ZNF385D: variants seen among roughly 807,000 people sequenced by gnomAD.
ZNF385D encodes zinc finger protein 659.
A neutral mutation model predicts 35.8 loss-of-function variants in ZNF385D; 15 were observed. The observed-to-expected ratio is 0.42, with a 90% CI of 0.28 to 0.64. The LOEUF (loss-of-function observed/expected upper bound fraction) is 0.64, where lower values mean the gene tolerates loss of function less well. ZNF385D is among the 30% of genes least tolerant of loss of function. The pLI, the probability that ZNF385D is intolerant of heterozygous loss-of-function variation, is 0.23. For missense variants in ZNF385D, 474 were observed against 494.6 expected (o/e 0.96, Z 0.39); for synonymous variants, 212 against 186.8 (o/e 1.13, Z -1.10).
In ZNF385D at chr3:22,065,510, G is replaced by A. The variant is rs1699895998; in HGVS notation, c.325+103307C>T. On this transcript the variant is annotated intron_variant, in intron 3 of 5. Transcript: ENST00000494108. The stretch of plus-strand genomic sequence containing the variant: ...CACTTTCATGTTAGAGTGGGGCAGA[G>A]TTGCCAGGTGAGTGTACAATAGCAT... Among the ~76,000 whole-genome samples the A allele has an allele frequency of 3.9e-5, 6 of 152,182 alleles. 1 individual carries two copies. Among genetic ancestry groups the A allele is most frequent in the Admixed American group, 3.9e-4 (6 of 15,270 alleles).
At chr3:21,941,870 T>C (rs1701541299) in intron 3 of ZNF385D, among the ~76,000 whole-genome samples, 1 of 152,160 alleles carries the variant, frequency 6.6e-6, no homozygotes, top group Non-Finnish European at 1.5e-5. Context: ...AGCTCTATGA[T>C]GAAAAATAAA....
At chr3:22,157,338 A>C (rs959408555) in intron 3 of ZNF385D, among the ~76,000 whole-genome samples, 3 of 152,074 alleles carry the variant, frequency 2.0e-5, no homozygotes, top group Admixed American at 2.0e-4. Flanking sequence ...GAAAAATGTT[A>C]CTCATCATTT....
At chr3:22,013,047 A>C (rs1455195862) in intron 3 of ZNF385D, among the ~76,000 whole-genome samples, 1 of 152,156 alleles carries the variant, frequency 6.6e-6, no homozygotes, top group African/African-American at 2.4e-5. Context: ...AAATTTAAGA[A>C]ATGTATGGAA....
intron 3 of ZNF385D, among the ~76,000 whole-genome samples, chr3:21,877,641 A>C (rs1163655520): frequency 6.6e-6 from 1 of 152,016 alleles, no homozygotes; most frequent in Non-Finnish European, 1.5e-5. Flanking sequence ...AACTATTTTT[A>C]GTACTTAGTT....
At chr3:21,794,664 C>T (rs1451112512) in intron 3 of ZNF385D, among the ~76,000 whole-genome samples, 1 of 152,036 alleles carries the variant, frequency 6.6e-6, no homozygotes, top group Non-Finnish European at 1.5e-5. Flanking sequence ...GAACCCTGAG[C>T]ATGTTAGATT....
rs186470302 is a variant in ZNF385D at position 21,854,127 on chromosome 3, C to T, written c.326-189099G>A. Among the ~76,000 whole-genome samples the T allele has an allele frequency of 1.4e-4, 22 of 151,954 alleles. No individual in the cohort carries two copies. In the East Asian group the frequency reaches 1.9e-3, roughly 13 times the overall value. ...AAAGATAGTACTGCTGTGATATTTA[C>T]CCATATTACTTAGCATGCACAAAAG... is the stretch of plus-strand genomic sequence containing the variant. On this transcript the variant is annotated intron_variant, in intron 3 of 5. Transcript: ENST00000494108.
intron 2 of ZNF385D, among the ~76,000 whole-genome samples, chr3:22,322,514 C>A (rs541925616): frequency 1.3e-5 from 2 of 152,268 alleles, no homozygotes; most frequent in African/African-American, 4.8e-5. Flanking sequence ...CCCCCTTAGA[C>A]ATCAAGAATT....
At chr3:21,701,599 T>A (rs2067685772) in intron 1 of ZNF385D, among the ~76,000 whole-genome samples, 1 of 152,124 alleles carries the variant, frequency 6.6e-6, no homozygotes, top group Admixed American at 6.5e-5. Flanking sequence ...CTTAACTCAT[T>A]TCAGCATTAA....
chr3:21,827,693 T>C (rs1035487110), intron 3 of ZNF385D, among the ~76,000 whole-genome samples: 3 of 152,192 alleles, frequency 2.0e-5, no homozygotes, highest in Admixed American at 6.5e-5. Flanking sequence ...CAAGGAGTCT[T>C]GGAACGTGGA....
intron 2 of ZNF385D, among the ~76,000 whole-genome samples, chr3:22,333,838 CAGAG>C (rs984797521): frequency 6.6e-6 from 1 of 152,104 alleles, no homozygotes; most frequent in Non-Finnish European, 1.5e-5. Context: ...TGGTGGATAC[CAGAG>C]AGAGAAATAG....
At chr3:21,993,296 G>T (rs936712354) in intron 3 of ZNF385D, among the ~76,000 whole-genome samples, 1 of 152,046 alleles carries the variant, frequency 6.6e-6, no homozygotes, top group African/African-American at 2.4e-5. Context: ...CACTATTTGG[G>T]ATGTTTCCTT....
chr3:22,253,430 T>C (rs1417795129), intron 2 of ZNF385D, among the ~76,000 whole-genome samples: 2 of 152,024 alleles, frequency 1.3e-5, no homozygotes, highest in African/African-American at 4.8e-5. Flanking sequence ...TAATTGTAAA[T>C]TATAAAAGCA....
chr3:21,708,846 AGTGT>A (rs1440576316), intron 1 of ZNF385D, among the ~76,000 whole-genome samples: 2 of 144,966 alleles, frequency 1.4e-5, no homozygotes, highest in African/African-American at 5.3e-5. Flanking sequence ...AAGCATCCGA[AGTGT>A]GTGTGGGCGT....
chr3:22,169,906 C>T (rs775327931), intron 2 of ZNF385D, among the ~76,000 whole-genome samples: 1 of 152,160 alleles, frequency 6.6e-6, no homozygotes, highest in African/African-American at 2.4e-5. Context: ...GCAGTCCCCC[C>T]ACTTTAGCCT....
intron 1 of ZNF385D, among the ~76,000 whole-genome samples, chr3:21,696,262 G>A (rs555047940): frequency 2.0e-5 from 3 of 152,318 alleles, no homozygotes; most frequent in African/African-American, 7.2e-5. Context: ...TTAAGTGAGA[G>A]CCCTGACACT....
chr3:21,576,154 A>G (rs893990653), intron 2 of ZNF385D, among the ~76,000 whole-genome samples: 5 of 152,296 alleles, frequency 3.3e-5, no homozygotes, highest in African/African-American at 7.2e-5. Context: ...TCTCATCTAT[A>G]TTTAATGTGC....
intron 3 of ZNF385D, among the ~76,000 whole-genome samples, chr3:22,156,313 G>A (rs994885862): frequency 1.3e-5 from 2 of 152,056 alleles, no homozygotes; most frequent in African/African-American, 2.4e-5. Context: ...CTTTTACAAT[G>A]AAGTCCTAAA....
At chr3:21,887,664 A>G (rs1241894091) in intron 3 of ZNF385D, among the ~76,000 whole-genome samples, 1 of 152,162 alleles carries the variant, frequency 6.6e-6, no homozygotes, top group Non-Finnish European at 1.5e-5. Flanking sequence ...CAAAGATGCT[A>G]CATAATATTC....
At chr3:21,843,843 G>A (rs1407523625) in intron 3 of ZNF385D, among the ~76,000 whole-genome samples, 2 of 151,930 alleles carry the variant, frequency 1.3e-5, no homozygotes, top group Non-Finnish European at 2.9e-5. Context: ...GATGAGGGGA[G>A]AACATTTCAT....
Sources: gnomAD v4.1 joint callset for allele counts (sites outside exome capture counted in the v4.1 genomes callset) on GRCh38, gnomAD v4.1.1 for gene constraint, MANE v1.5 for transcripts, NCBI Gene and HGNC (gene_info 2026-07-23, HGNC 2026-07-21) for gene names.